Variants in RAB21 observed in about 807,000 individuals in gnomAD.
The protein encoded by RAB21 is ras-related protein Rab-21.
In RAB21, 13 loss-of-function variants were observed where a neutral mutation model predicts 33.1. The ratio of observed to expected loss-of-function variants is 0.39; its 90% CI spans 0.26 to 0.62. The LOEUF is 0.62. Among genes scored for constraint, RAB21 ranks in the 20% least tolerant of loss-of-function variants. The pLI is 0.48. For missense variants in RAB21, 234 were observed against 279.1 expected, an observed-to-expected ratio of 0.84 and a Z score of 1.15; for synonymous variants, 91 against 103.7, an observed-to-expected ratio of 0.88 and a Z score of 0.74.
chr12:71,755,276 C>G lies in RAB21; in HGVS notation c.147C>G (p.Ile49Met), dbSNP rs751046636. The G allele has an allele frequency of 6.5e-7, 1 of 1,529,918 alleles. No homozygotes were observed. 94.8% of individuals were successfully genotyped at this position (1,529,918 alleles called of 1,614,324 possible). A position where few individuals can be genotyped will look rare whatever the true frequency, so the allele number is the denominator to read the frequency against. Residue 49 changes from isoleucine to methionine, a missense_variant, in exon 1 of 7, where the codon ATC (isoleucine) becomes ATG (methionine). Physicochemically the swap from Ile to Met is conservative, Grantham distance 10. Coordinates refer to ENST00000261263, the MANE Select transcript of RAB21 (RefSeq NM_014999.4). ...YCENKFNDKH[I>M]TTLQASFLTK... ...AGAACAAGTTTAACGACAAGCACAT[C>G]ACCACTCTGCAGGTGCGGACCTCGG...
At chr12:71,780,534 T>C (rs1048891591) in intron 4 of RAB21, among the ~76,000 whole-genome samples, 1 of 152,222 alleles carries the variant, frequency 6.6e-6, no homozygotes, top group Admixed American at 6.5e-5. Context: ...AGAACTAATA[T>C]GAAACTTCTT....
rs1326411896 is a variant in RAB21, at chr12:71,791,636, A to C, written c.*5963A>C. 6.6e-6 allele frequency: 1 copy of C among 152,242 alleles called. No homozygotes were observed. Among genetic ancestry groups the C allele is most frequent in the African/African-American group, 2.4e-5 (1 of 41,466 alleles). The allele number at this position is 152,242 out of a possible 1,614,324, so 9.4% of individuals were successfully genotyped here. A position where few individuals can be genotyped will look rare whatever the true frequency, so the allele number is the denominator to read the frequency against. ...AACTTGTATTTGATCTGTGCCTTTA[A>C]TATAGAGTAAAAACAAAAGTTCCTT... On this transcript the variant is annotated 3_prime_UTR_variant, in exon 7 of 7. Transcript: ENST00000261263.
chr12:71,779,981 A>G (rs756736916), intron 4 of RAB21, among the ~76,000 whole-genome samples: 16 of 152,232 alleles, frequency 1.1e-4, no homozygotes, highest in African/African-American at 2.7e-4. Context: ...GGTTTCTGCA[A>G]TGTATTCTGT....
Position 71,755,185 on chromosome 12 carries a change from C to G in RAB21, c.56C>G (p.Ser19Trp), listed in dbSNP as rs1193437427. ...GGAAAAGRAYSFKVVLLGEGC... is the reference protein window; with the variant it reads ...GGAAAAGRAYWFKVVLLGEGC... ...GCGGCGGCGGCGGGCCGAGCCTACT[C>G]GTTCAAGGTGGTGCTGCTGGGGGAA... The change falls in exon 1 of 7, where the codon TCG becomes TGG. Residue 19 changes from serine (S) to tryptophan (W), a missense_variant. By Grantham distance (177) the Ser-to-Trp change is radical. Coordinates refer to ENST00000261263, the MANE Select transcript of RAB21 (RefSeq NM_014999.4). 3 of 1,485,214 alleles carry G rather than the reference C, an allele frequency of 2.0e-6. No homozygotes were observed. Among genetic ancestry groups the G allele is most frequent in the African/African-American group, 1.5e-5 (1 of 68,964 alleles). 92.0% of individuals were successfully genotyped at this position (1,485,214 alleles called of 1,614,324 possible).
At chr12:71,778,282 G>A (rs1405660022) in intron 4 of RAB21, among the ~76,000 whole-genome samples, 2 of 152,150 alleles carry the variant, frequency 1.3e-5, no homozygotes, top group African/African-American at 2.4e-5. Flanking sequence ...ATAGTATTCT[G>A]CATCTAGTCT....
chr12:71,781,337 C>T (rs1453314445), intron 4 of RAB21, among the ~76,000 whole-genome samples: 2 of 140,698 alleles, frequency 1.4e-5, no homozygotes, highest in Non-Finnish European at 3.2e-5. Context: ...GGCGTGGTGG[C>T]AGGCACCTGT....
chr12:71,781,208 G>T (rs1455509555), intron 4 of RAB21, among the ~76,000 whole-genome samples: 1 of 152,128 alleles, frequency 6.6e-6, no homozygotes, highest in African/African-American at 2.4e-5. Context: ...GGTGGCTCAA[G>T]CCTGTAATCC....
Position 71,799,506 on chromosome 12 carries a change from T to C in RAB21, c.*13833T>C, listed in dbSNP as rs975913496. The C allele has an allele frequency of 1.3e-5, 2 of 152,228 alleles. No individual in the cohort carries two copies. Among genetic ancestry groups the C allele is most frequent in the Admixed American group, 6.5e-5 (1 of 15,278 alleles). 9.4% of individuals were successfully genotyped at this position (152,228 alleles called of 1,614,324 possible). ...GGAATATATCCTGTAAATATGCTTA[T>C]GTATGAAGGAAATGAGTTTGTACAA... On this transcript the variant is annotated 3_prime_UTR_variant, in exon 7 of 7. Transcript: ENST00000261263.
chr12:71,770,569 T>C, intron 2 of RAB21, 23 bp from the exon 3 acceptor site: 1 of 1,455,206 alleles, frequency 6.9e-7, no homozygotes, highest in Non-Finnish European at 9.6e-7. Flanking sequence ...TCTGATCTAA[T>C]AAGCATTTGT....
At chr12:71,772,395 T>G (rs929733450) in intron 3 of RAB21, among the ~76,000 whole-genome samples, 1 of 152,212 alleles carries the variant, frequency 6.6e-6, no homozygotes, top group Admixed American at 6.5e-5. Flanking sequence ...CACATTCTCT[T>G]GTCAAAGCAG....
At chr12:71,782,009 A>G (rs1429523949) in intron 4 of RAB21, 22 bp from the exon 5 acceptor site, 17 of 1,529,864 alleles carry the variant, frequency 1.1e-5, no homozygotes, top group African/African-American at 4.1e-5. Context: ...ATAAAGATAA[A>G]TATTTACTTT....
intron 6 of RAB21, among the ~76,000 whole-genome samples, chr12:71,784,518 T>C (rs973556738): frequency 2.0e-5 from 3 of 152,082 alleles, no homozygotes; most frequent in African/African-American, 7.2e-5. Context: ...AAGGTTGATT[T>C]TTTTTTTTTA....
intron 6 of RAB21, among the ~76,000 whole-genome samples, chr12:71,783,145 T>A (rs1483799506): frequency 2.0e-5 from 3 of 152,062 alleles, no homozygotes; most frequent in Admixed American, 2.0e-4. Flanking sequence ...AAAGACACAT[T>A]AAAATAATTT....
At chr12:71,782,817 TA>T (rs1412620677) in intron 6 of RAB21, among the ~76,000 whole-genome samples, 159 bp downstream of exon 6, 1 of 152,108 alleles carries the variant, frequency 6.6e-6, no homozygotes, top group Non-Finnish European at 1.5e-5. Flanking sequence ...CTATTTTTTT[TA>T]ATGCTTAAAT....
Position 71,790,909 on chromosome 12 carries a change from A to G in RAB21, c.*5236A>G, listed in dbSNP as rs1469229723. The G allele has an allele frequency of 6.6e-6, 1 of 150,994 alleles. No homozygotes were observed. The highest frequency in any genetic ancestry group is 2.4e-5 in the African/African-American group (1 of 41,022). The allele number at this position is 150,994 out of a possible 1,614,324, so 9.4% of individuals were successfully genotyped here. On this transcript the variant is annotated 3_prime_UTR_variant, in exon 7 of 7. Transcript: ENST00000261263. Reference sequence around the variant, plus strand: ...TCTTTCTTTTTTTCTTTTTTAAAATAGCCTCTGACTCCATGAAACCTGAAA... The same window carrying G: ...TCTTTCTTTTTTTCTTTTTTAAAATGGCCTCTGACTCCATGAAACCTGAAA...
chr12:71,784,739 G>A (rs953072118), intron 6 of RAB21, among the ~76,000 whole-genome samples: 11 of 152,014 alleles, frequency 7.2e-5, no homozygotes, highest in African/African-American at 2.7e-4. Flanking sequence ...CAATCAGGTG[G>A]TGTGAGTCTT....
chr12:71,770,640 A>G lies in RAB21; in HGVS notation c.268A>G (p.Arg90Gly). 6.2e-7 allele frequency: 1 copy of G among 1,609,900 alleles called. No individual in the cohort carries two copies. Among genetic ancestry groups the G allele is most frequent in the Non-Finnish European group, 8.5e-7 (1 of 1,176,798 alleles). Residue 90 changes from arginine to glycine, a missense_variant, in exon 3 of 7, where the codon AGA (arginine) becomes GGA (glycine). Arg to Gly is a moderately radical substitution (Grantham distance 125). Transcript: ENST00000261263. ...CCATGCATTGGGTCCAATTTACTAC[A>G]GAGATTCAAATGGAGCGATTTTAGT... ...RFHALGPIYY[R>G]DSNGAILVYD...
intron 4 of RAB21, among the ~76,000 whole-genome samples, chr12:71,777,855 GTTCT>G (rs1883144368): frequency 6.6e-6 from 1 of 152,122 alleles, no homozygotes; most frequent in Non-Finnish European, 1.5e-5. Context: ...GAGCTAGTAT[GTTCT>G]TATAGACCCT....
chr12:71,774,100 T>C, intron 4 of RAB21, 78 bp downstream of exon 4: 1 of 995,436 alleles, frequency 1.0e-6, no homozygotes, highest in South Asian at 1.6e-5. Context: ...AATTTTTGTT[T>C]TAAAGTTATA....
Sources: allele counts gnomAD v4.1 joint callset (sites outside exome capture counted in the v4.1 genomes callset), GRCh38; gene constraint gnomAD v4.1.1; transcripts MANE v1.5; gene names NCBI Gene and HGNC (gene_info 2026-07-23, HGNC 2026-07-21).